The following CATSPERE variants were observed in gnomAD, a reference collection of about 807,000 sequenced individuals.
CATSPERE encodes cation channel sperm-associated auxiliary subunit epsilon.
A neutral mutation model predicts 114.1 loss-of-function variants in CATSPERE; 93 were observed. The ratio of observed to expected loss-of-function variants is 0.81; its 90% CI spans 0.69 to 0.97. The LOEUF (loss-of-function observed/expected upper bound fraction) is 0.97, where lower values mean the gene tolerates loss of function less well. CATSPERE is among the 50% of genes least tolerant of loss of function. The pLI is 0.00. For synonymous variants in CATSPERE, 341 were observed against 384.1 expected (o/e 0.89, Z 1.31); for missense variants, 1,058 against 1,131.6 (o/e 0.93, Z 0.93).
chr1:244,555,556 T>G (rs1661456320), intron 9 of CATSPERE, among the ~76,000 whole-genome samples: 1 of 152,154 alleles, frequency 6.6e-6, no homozygotes, highest in African/African-American at 2.4e-5. Flanking sequence ...CCACTCGTAT[T>G]CAACTTAGTA....
chr1:244,513,444 G>A (rs1266464471), intron 7 of CATSPERE, among the ~76,000 whole-genome samples: 1 of 152,224 alleles, frequency 6.6e-6, no homozygotes, highest in Non-Finnish European at 1.5e-5. Context: ...GTATATGTGA[G>A]TGTCAGTAGG....
chr1:244,474,024 C>CT (rs909072631), intron 2 of CATSPERE, among the ~76,000 whole-genome samples: 20 of 151,164 alleles, frequency 1.3e-4, no homozygotes, highest in African/African-American at 2.2e-4. Flanking sequence ...TGGTTTCTTT[C>CT]TTTTTTTTGC....
chr1:244,517,589 T>C (rs1050114101), intron 7 of CATSPERE, among the ~76,000 whole-genome samples: 2 of 151,830 alleles, frequency 1.3e-5, no homozygotes, highest in African/African-American at 4.9e-5. Context: ...CTCACCAATA[T>C]GGTGAAACCC....
intron 13 of CATSPERE, among the ~76,000 whole-genome samples, chr1:244,584,761 G>A (rs895253705): frequency 2.0e-5 from 3 of 151,428 alleles, no homozygotes; most frequent in African/African-American, 7.4e-5. Flanking sequence ...TGAGGAACCT[G>A]CGTTCCTACC....
Position 244,640,009 on chromosome 1 carries a change from G to T in CATSPERE, c.2784G>T (p.Arg928=), listed in dbSNP as rs1161922848. 1.3e-6 allele frequency: 2 copies of T among 1,550,450 alleles called. No homozygotes were observed. Among genetic ancestry groups the T allele is most frequent in the South Asian group, 2.4e-5 (2 of 84,026 alleles). Reference sequence around the variant, plus strand: ...CTATTCTTGTTTTGAGCTACTTTCGGTACATGAGGATTTATAGACGATATA... The same window carrying T: ...CTATTCTTGTTTTGAGCTACTTTCGTTACATGAGGATTTATAGACGATATA... ...FFTILVLSYF[R]YMRIYRRYIY... The change falls in exon 22 of 22, where the codon CGG becomes CGT. Residue 928 remains arginine (R), a synonymous_variant. Coordinates refer to ENST00000366534, the MANE Select transcript of CATSPERE (RefSeq NM_001130957.2).
chr1:244,611,189 T>A (rs1420758463), intron 19 of CATSPERE, among the ~76,000 whole-genome samples: 1 of 152,256 alleles, frequency 6.6e-6, no homozygotes. Context: ...AATTTTGTTT[T>A]GTTCACTGCA....
rs139814228 is a variant in CATSPERE at position 244,624,022 on chromosome 1, C to T, written c.2648+6336C>T. Among the ~76,000 whole-genome samples the T allele has an allele frequency of 5.7e-3, 870 of 151,870 alleles. 12 individuals are homozygous for T. The highest frequency in any genetic ancestry group is 0.02 in the African/African-American group (838 of 41,424). On this transcript the variant is annotated intron_variant, in intron 20 of 21. Coordinates refer to ENST00000366534, the MANE Select transcript of CATSPERE (RefSeq NM_001130957.2). ...TGTCGCCCAGGCTGGAGTGCAGTGG[C>T]GCAATCTCAACTCACTGCAAGCTCT...
intron 21 of CATSPERE, among the ~76,000 whole-genome samples, chr1:244,636,264 GT>G (rs1674619082): frequency 6.6e-6 from 1 of 152,072 alleles, no homozygotes; most frequent in Admixed American, 6.5e-5. Flanking sequence ...TGGGCCTGGT[GT>G]TTGGAATTTG....
intron 10 of CATSPERE, among the ~76,000 whole-genome samples, chr1:244,562,391 G>A (rs1030824958): frequency 6.6e-6 from 1 of 152,048 alleles, no homozygotes; most frequent in African/African-American, 2.4e-5. Context: ...AAATAATGCT[G>A]CAGAAAATAT....
rs1157934725 is a variant in CATSPERE at position 244,617,588 on chromosome 1, C to T, written c.2550C>T (p.Tyr850=). The change falls in exon 20 of 22, where the codon TAC becomes TAT. Residue 850 remains tyrosine (Y), a synonymous_variant. Transcript: ENST00000366534. ...AACCAGGAGACTTAAATCAACCATA[C>T]GAGATTATCAACAGTTCTAATGGTA... ...IGKPGDLNQP[Y]EIINSSNGNH... 8.4e-6 allele frequency: 13 copies of T among 1,543,202 alleles called. No individual in the cohort carries two copies. Among genetic ancestry groups the T allele is most frequent in the African/African-American group, 2.8e-5 (2 of 72,328 alleles).
At chr1:244,549,798 C>T (rs952021946) in intron 8 of CATSPERE, among the ~76,000 whole-genome samples, 10 of 151,978 alleles carry the variant, frequency 6.6e-5, no homozygotes, top group African/African-American at 1.9e-4. Flanking sequence ...AGGGGATGCC[C>T]GGATAGCTGG....
rs535980424 is a variant in CATSPERE, at chr1:244,490,581, G to C, written c.351+110G>C. The C allele has an allele frequency of 1.9e-5, 14 of 726,070 alleles. No individual in the cohort carries two copies. The South Asian group carries it at 2.3e-4, about 12-fold the overall frequency. The allele number at this position is 726,070 out of a possible 1,614,324, so 45.0% of individuals were successfully genotyped here. ...GAATTTTTCAAATGAATTTTGCAAT[G>C]ATATTTGCTTAGAGTATACCTTTCT... On this transcript the variant is annotated intron_variant, in intron 6 of 21. Coordinates refer to ENST00000366534, the MANE Select transcript of CATSPERE (RefSeq NM_001130957.2).
chr1:244,640,225 T>C lies in CATSPERE; in HGVS notation c.*144T>C. Reference sequence around the variant, plus strand: ...CACCAAATTCAAGATCTGAAAAATATTCTTGAACTATCTCCAAAATAGAAA... The same window carrying C: ...CACCAAATTCAAGATCTGAAAAATACTCTTGAACTATCTCCAAAATAGAAA... On this transcript the variant is annotated 3_prime_UTR_variant, in exon 22 of 22. Coordinates refer to ENST00000366534, the MANE Select transcript of CATSPERE (RefSeq NM_001130957.2). 1 of 581,604 alleles carries C rather than the reference T, an allele frequency of 1.7e-6. No homozygotes were observed. The highest frequency in any genetic ancestry group is 2.9e-6 in the Non-Finnish European group (1 of 342,824). The allele number at this position is 581,604 out of a possible 1,614,324, so 36.0% of individuals were successfully genotyped here.
At chr1:244,472,849 A>G (rs1414922586) in intron 2 of CATSPERE, among the ~76,000 whole-genome samples, 1 of 152,112 alleles carries the variant, frequency 6.6e-6, no homozygotes, top group Non-Finnish European at 1.5e-5. Flanking sequence ...TGCCTTTTCC[A>G]GAATGTCATT....
intron 9 of CATSPERE, among the ~76,000 whole-genome samples, chr1:244,553,159 A>G (rs1660918204): frequency 6.6e-6 from 1 of 152,202 alleles, no homozygotes; most frequent in Non-Finnish European, 1.5e-5. Flanking sequence ...ACCTGCATAG[A>G]AAGTGTAATG....
chr1:244,548,943 A>G (rs1329317336), intron 8 of CATSPERE, among the ~76,000 whole-genome samples: 2 of 152,094 alleles, frequency 1.3e-5, no homozygotes, highest in Non-Finnish European at 2.9e-5. Context: ...CCAGGACTTC[A>G]TGCTCTGCTG....
chr1:244,544,428 C>T (rs1659397271), intron 8 of CATSPERE, among the ~76,000 whole-genome samples: 1 of 152,172 alleles, frequency 6.6e-6, no homozygotes, highest in Non-Finnish European at 1.5e-5. Flanking sequence ...CACTGTGAAT[C>T]CAGTGGTCTC....
rs186276069 is a variant in CATSPERE, at chr1:244,461,650, C to T, written c.65+156C>T. 599 of 476,876 alleles carry T rather than the reference C, an allele frequency of 1.3e-3. 1 individual carries two copies. Among genetic ancestry groups the T allele is most frequent in the African/African-American group, 0.011 (538 of 49,886 alleles). 29.5% of individuals were successfully genotyped at this position (476,876 alleles called of 1,614,324 possible). The stretch of plus-strand genomic sequence containing the variant: ...GGCTCCCCAACACCAGCCCCAGTGT[C>T]CCACCGCTCCCACCCGAGAGTTTTC... On this transcript the variant is annotated intron_variant, in intron 1 of 21. Transcript: ENST00000366534.
intron 2 of CATSPERE, among the ~76,000 whole-genome samples, chr1:244,465,689 C>T (rs965875354): frequency 6.6e-6 from 1 of 152,142 alleles, no homozygotes; most frequent in African/African-American, 2.4e-5. Context: ...TGTTCTTCCA[C>T]AAGACTACTT....
Sources: allele counts gnomAD v4.1 joint callset (sites outside exome capture counted in the v4.1 genomes callset), GRCh38; gene constraint gnomAD v4.1.1; transcripts MANE v1.5; gene names NCBI Gene and HGNC (gene_info 2026-07-23, HGNC 2026-07-21).